Variants in ASIC2 observed in about 807,000 individuals in gnomAD.
ASIC2 encodes the protein acid-sensing ion channel 2.
ASIC2 carries 25 observed loss-of-function variants against 57.3 expected under a neutral mutation model. The ratio of observed to expected loss-of-function variants is 0.44; its 90% confidence interval spans 0.32 to 0.61. The LOEUF (loss-of-function observed/expected upper bound fraction) is 0.61. Ranked by LOEUF, ASIC2 falls within the 20% of genes least tolerant of loss-of-function variation. The probability of loss-of-function intolerance (pLI) is 0.06; values close to 1 mark genes in which losing one functional copy is unlikely to be tolerated. For missense variants in ASIC2, 641 were observed against 738.1 expected, an observed-to-expected ratio of 0.87 and a Z score of 1.52; for synonymous variants, 319 against 307.5, an observed-to-expected ratio of 1.04 and a Z score of -0.39.
chr17:33,676,282 A>G (rs1242826561), intron 1 of ASIC2, among the ~76,000 whole-genome samples: 3 of 152,246 alleles, frequency 2.0e-5, no homozygotes, highest in African/African-American at 7.2e-5. Flanking sequence ...TAGTCAAGTG[A>G]AAGAAGGAGT....
chr17:33,547,117 T>C (rs1915603118), intron 1 of ASIC2, among the ~76,000 whole-genome samples: 1 of 152,116 alleles, frequency 6.6e-6, no homozygotes, highest in Admixed American at 6.5e-5. Context: ...GGCCTGAGCA[T>C]GTGCATTTCT....
chr17:33,134,756 C>G (rs1194668328), intron 1 of ASIC2, among the ~76,000 whole-genome samples: 1 of 152,176 alleles, frequency 6.6e-6, no homozygotes, highest in African/African-American at 2.4e-5. Context: ...GGGAGGGCTC[C>G]CATGGCTTGT....
At chr17:34,140,416 A>T (rs2142135711) in intron 1 of ASIC2, among the ~76,000 whole-genome samples, 1 of 152,302 alleles carries the variant, frequency 6.6e-6, no homozygotes, top group African/African-American at 2.4e-5. Context: ...AGCTCTGTCC[A>T]CTGAGAAGGT....
chr17:33,326,498 C>T (rs1272627818), intron 1 of ASIC2, among the ~76,000 whole-genome samples: 3 of 152,192 alleles, frequency 2.0e-5, no homozygotes. Context: ...TAATATCTGC[C>T]TCCATGGTTT....
intron 1 of ASIC2, among the ~76,000 whole-genome samples, chr17:33,118,467 A>G (rs1200673073): frequency 6.6e-6 from 1 of 152,160 alleles, no homozygotes; most frequent in African/African-American, 2.4e-5. Context: ...TCCAAAGTCT[A>G]TACTCTTTGA....
chr17:33,884,878 G>A (rs1433032312), intron 1 of ASIC2, among the ~76,000 whole-genome samples: 1 of 152,176 alleles, frequency 6.6e-6, no homozygotes, highest in African/African-American at 2.4e-5. Flanking sequence ...TTCAGTAAAT[G>A]TTGTGTTGAA....
chr17:33,257,241 C>A (rs530764698), intron 1 of ASIC2, among the ~76,000 whole-genome samples: 2 of 152,310 alleles, frequency 1.3e-5, no homozygotes, highest in East Asian at 3.9e-4. Flanking sequence ...AGTGAGGAGG[C>A]CTCACTGACC....
intron 1 of ASIC2, among the ~76,000 whole-genome samples, chr17:33,308,142 A>T (rs1475287656): frequency 6.6e-6 from 1 of 152,368 alleles, no homozygotes; most frequent in Non-Finnish European, 1.5e-5. Context: ...AACTGATAAC[A>T]GATTTCTTGC....
At chr17:33,088,093 C>T (rs1435949860) in intron 3 of ASIC2, among the ~76,000 whole-genome samples, 1 of 152,174 alleles carries the variant, frequency 6.6e-6, no homozygotes, top group African/African-American at 2.4e-5. Flanking sequence ...AGGTCTTCCC[C>T]AGAAACTTGT....
chr17:33,969,007 C>A (rs1033962426), intron 1 of ASIC2, among the ~76,000 whole-genome samples: 1 of 152,040 alleles, frequency 6.6e-6, no homozygotes, highest in Admixed American at 6.5e-5. Flanking sequence ...GTGTGTGGGG[C>A]GGATGGCAGT....
At chr17:33,720,263 G>A (rs17836917) in intron 1 of ASIC2, among the ~76,000 whole-genome samples, 4,389 of 152,250 alleles carry the variant, frequency 0.029, 111 homozygotes, top group East Asian at 0.1. Context: ...AAGTAAGTGG[G>A]ATCTCCAGAA....
At chr17:33,748,983 C>T (rs1416084416) in intron 1 of ASIC2, among the ~76,000 whole-genome samples, 1 of 152,312 alleles carries the variant, frequency 6.6e-6, no homozygotes, top group Middle Eastern at 3.4e-3. Context: ...TGGCCCTGGG[C>T]TCAGGGGGCC....
chr17:33,028,746 C>T (rs995849145), intron 3 of ASIC2, among the ~76,000 whole-genome samples: 1 of 152,170 alleles, frequency 6.6e-6, no homozygotes. Flanking sequence ...CTTACCCCCA[C>T]CATGTCTTCC....
chr17:33,473,769 T>G (rs1171892115), intron 1 of ASIC2, among the ~76,000 whole-genome samples: 2 of 152,150 alleles, frequency 1.3e-5, no homozygotes, highest in Non-Finnish European at 2.9e-5. Flanking sequence ...GGTTTTCTTT[T>G]TATCCTTTCA....
chr17:33,303,351 C>T (rs1359435061), intron 1 of ASIC2, among the ~76,000 whole-genome samples: 1 of 152,110 alleles, frequency 6.6e-6, no homozygotes, highest in Admixed American at 6.5e-5. Context: ...TTTTTCCGAG[C>T]TTGGGTGTAA....
chr17:33,679,176 TAC>T (rs1907921894), intron 1 of ASIC2, among the ~76,000 whole-genome samples: 1 of 152,188 alleles, frequency 6.6e-6, no homozygotes, highest in Admixed American at 6.5e-5. Flanking sequence ...TAACACGTGT[TAC>T]AGTTACATAT....
chr17:33,920,948 C>T (rs545044278), intron 1 of ASIC2, among the ~76,000 whole-genome samples: 2 of 152,282 alleles, frequency 1.3e-5, no homozygotes, highest in South Asian at 4.1e-4. Context: ...CAGTCTTCAA[C>T]AGAGGACTGT....
chr17:33,044,134 G>C (rs1390395251), intron 3 of ASIC2, among the ~76,000 whole-genome samples: 1 of 152,044 alleles, frequency 6.6e-6, no homozygotes, highest in Non-Finnish European at 1.5e-5. Flanking sequence ...GCTGGCTCTA[G>C]ATATGCCTCT....
At chr17:33,088,004 C>T (rs144220637) in intron 3 of ASIC2, among the ~76,000 whole-genome samples, 16 of 152,244 alleles carry the variant, frequency 1.1e-4, no homozygotes, top group African/African-American at 3.6e-4. Flanking sequence ...CTTGCTCCTC[C>T]GTCATGGTTC....
Sources: gnomAD v4.1 joint callset for allele counts (sites outside exome capture counted in the v4.1 genomes callset) on GRCh38, gnomAD v4.1.1 for gene constraint, MANE v1.5 for transcripts, NCBI Gene and HGNC (gene_info 2026-07-23, HGNC 2026-07-21) for gene names.